TMEM161B: variants seen among roughly 807,000 people sequenced by gnomAD.
The protein encoded by TMEM161B is transmembrane protein 161B.
In TMEM161B, 34 loss-of-function variants were observed where a neutral mutation model predicts 61.8. That is an observed-to-expected ratio of 0.55 (90% confidence interval 0.42 to 0.73). The LOEUF (loss-of-function observed/expected upper bound fraction) is 0.73, where lower values mean the gene tolerates loss of function less well. Ranked by LOEUF, TMEM161B falls within the 30% of genes least tolerant of loss-of-function variation. The pLI, the probability that TMEM161B is intolerant of heterozygous loss-of-function variation, is 0.00. For missense variants in TMEM161B, 456 were observed against 558.5 expected (o/e 0.82, Z 1.85); for synonymous variants, 167 against 192.8 (o/e 0.87, Z 1.11).
chr5:88,218,532 A>T (rs918429007), intron 5 of TMEM161B, among the ~76,000 whole-genome samples: 1 of 152,186 alleles, frequency 6.6e-6, no homozygotes, highest in Non-Finnish European at 1.5e-5. Flanking sequence ...TTACACCTGT[A>T]ATCTCAGCAC....
intron 4 of TMEM161B, among the ~76,000 whole-genome samples, chr5:88,223,101 T>G (rs181188870): frequency 1.3e-5 from 2 of 150,258 alleles, no homozygotes; most frequent in Admixed American, 1.3e-4. Flanking sequence ...CTCCATAAAC[T>G]ACATGCTAAA....
downstream of TMEM161B, among the ~76,000 whole-genome samples, chr5:88,192,263 G>C (rs1002068801): frequency 1.3e-5 from 2 of 151,542 alleles, no homozygotes; most frequent in African/African-American, 4.8e-5. Flanking sequence ...AAAAACAATA[G>C]GATGGAAAAA....
At chr5:88,252,154 C>T (rs1296496440) in intron 1 of TMEM161B, among the ~76,000 whole-genome samples, 5 of 151,946 alleles carry the variant, frequency 3.3e-5, no homozygotes, top group African/African-American at 1.2e-4. Context: ...AAGACAGAAA[C>T]TAAAATCACA....
chr5:88,195,891 T>A lies in TMEM161B; in HGVS notation c.*320A>T. 1 of 1,067,894 alleles carries A rather than the reference T, an allele frequency of 9.4e-7. No homozygotes were observed. The allele number at this position is 1,067,894 out of a possible 1,614,324, so 66.2% of individuals were successfully genotyped here. ...AATCAATAACTAGAGTCATGTGAGATGTTTCAAAGACTGCTGGAGGTTTCT... is the reference window on the plus strand; with the variant it reads ...AATCAATAACTAGAGTCATGTGAGAAGTTTCAAAGACTGCTGGAGGTTTCT... On this transcript the variant is annotated 3_prime_UTR_variant, in exon 12 of 12. Coordinates refer to ENST00000296595, the MANE Select transcript of TMEM161B (RefSeq NM_153354.5).
chr5:88,217,920 A>C (rs1164873422), intron 5 of TMEM161B, among the ~76,000 whole-genome samples: 1 of 144,166 alleles, frequency 6.9e-6, no homozygotes, highest in Non-Finnish European at 1.5e-5. Context: ...AAAAAAAAAA[A>C]CCTTAACAAA....
chr5:88,186,486 CCTAAT>C (rs771163434), downstream of TMEM161B, among the ~76,000 whole-genome samples: 9 of 151,988 alleles, frequency 5.9e-5, no homozygotes, highest in Non-Finnish European at 1.2e-4. Flanking sequence ...TCACCCATTT[CCTAAT>C]CTATTTTTTT....
chr5:88,241,272 A>C (rs1054240866), intron 1 of TMEM161B, among the ~76,000 whole-genome samples: 2 of 151,872 alleles, frequency 1.3e-5, no homozygotes, highest in East Asian at 1.9e-4. Context: ...CATTTTATAT[A>C]AGGGACTTGA....
At chr5:88,219,278 C>A (rs1748485823) in intron 5 of TMEM161B, among the ~76,000 whole-genome samples, 1 of 152,116 alleles carries the variant, frequency 6.6e-6, no homozygotes, top group African/African-American at 2.4e-5. Context: ...TGGCTAACTG[C>A]CAGCCCAAAG....
downstream of TMEM161B, among the ~76,000 whole-genome samples, chr5:88,193,582 T>C (rs932680817): frequency 7.9e-5 from 12 of 152,168 alleles, no homozygotes; most frequent in Admixed American, 7.2e-4. Context: ...AGCCAGAGTA[T>C]ACTTAGAGTT....
intron 5 of TMEM161B, among the ~76,000 whole-genome samples, chr5:88,208,946 T>C (rs866739343): frequency 9.2e-5 from 14 of 152,296 alleles, no homozygotes; most frequent in Middle Eastern, 3.4e-3. Context: ...CATATATATC[T>C]CACACACATA....
At chr5:88,222,678 A>G (rs1321931282) in intron 4 of TMEM161B, among the ~76,000 whole-genome samples, 2 of 152,170 alleles carry the variant, frequency 1.3e-5, no homozygotes, top group African/African-American at 2.4e-5. Flanking sequence ...TGACATTCAA[A>G]AGTTCTAATG....
In TMEM161B at chr5:88,256,467, T is replaced by C. The variant is rs556308002; in HGVS notation, c.3+12254A>G. ...ACAGGTATGTATTCAAAGAAGTCATTAGCCAAAATCAATTAATGAAAAGAC... is the reference window on the plus strand; with the variant it reads ...ACAGGTATGTATTCAAAGAAGTCATCAGCCAAAATCAATTAATGAAAAGAC... On this transcript the variant is annotated intron_variant, in intron 1 of 11. Transcript: ENST00000296595. Among the ~76,000 whole-genome samples the C allele has an allele frequency of 1.8e-3, 278 of 152,340 alleles. 3 individuals are homozygous for C. Among genetic ancestry groups the C allele is most frequent in the Non-Finnish European group, 6.6e-4 (45 of 68,038 alleles).
Position 88,206,515 on chromosome 5 carries a change from A to AC in TMEM161B, c.599-17_599-16insG, listed in dbSNP as rs746437846. 8.3e-6 allele frequency: 13 copies of AC among 1,559,738 alleles called. No homozygotes were observed. In the South Asian group the frequency reaches 9.8e-5, roughly 12 times the overall value. Reference sequence around the variant, plus strand: ...TTTGTAAACCCTGTGGGGGAAAAAAAAAAAAACAACAGATTACTCTTATCA... The same window carrying AC: ...TTTGTAAACCCTGTGGGGGAAAAAAACAAAAAACAACAGATTACTCTTATCA... On this transcript the variant is annotated splice_polypyrimidine_tract_variant and intron_variant, in intron 6 of 11. Transcript: ENST00000296595.
intron 10 of TMEM161B, chr5:88,198,494 G>T (rs910564565): frequency 6.6e-6 from 1 of 152,046 alleles, no homozygotes; most frequent in Non-Finnish European, 1.5e-5. Context: ...CTTAAAAAAA[G>T]AATGAGGTTA....
intron 2 of TMEM161B, among the ~76,000 whole-genome samples, chr5:88,233,510 C>A (rs944244215): frequency 6.6e-6 from 1 of 152,086 alleles, no homozygotes; most frequent in Non-Finnish European, 1.5e-5. Context: ...ACAGATCATG[C>A]AAAGGCTAAT....
At chr5:88,208,869 T>C (rs1746121786) in intron 5 of TMEM161B, among the ~76,000 whole-genome samples, 1 of 152,160 alleles carries the variant, frequency 6.6e-6, no homozygotes, top group Non-Finnish European at 1.5e-5. Context: ...CATAAAATCT[T>C]TTCAAAACAG....
At chr5:88,191,289 TC>T (rs752220741), downstream of TMEM161B, among the ~76,000 whole-genome samples, 4 of 152,064 alleles carry the variant, frequency 2.6e-5, no homozygotes, top group African/African-American at 4.8e-5. Context: ...AGACCCTCCT[TC>T]CCCCAACAGG....
chr5:88,189,332 C>T (rs986029224), downstream of TMEM161B, among the ~76,000 whole-genome samples: 4 of 152,100 alleles, frequency 2.6e-5, no homozygotes, highest in Admixed American at 6.6e-5. Flanking sequence ...TTCGGCTATG[C>T]GTGGACCAGT....
chr5:88,206,378 C>A, intron 7 of TMEM161B, 61 bp downstream of exon 7: 1 of 1,363,470 alleles, frequency 7.3e-7, no homozygotes, highest in Non-Finnish European at 1.0e-6. Context: ...ATAGTAAATA[C>A]TGCTTTATTA....
Sources: allele counts gnomAD v4.1 joint callset (sites outside exome capture counted in the v4.1 genomes callset), GRCh38; gene constraint gnomAD v4.1.1; transcripts MANE v1.5; gene names NCBI Gene and HGNC (gene_info 2026-07-23, HGNC 2026-07-21).